ZC3H8: variants seen among roughly 807,000 people sequenced by gnomAD.
ZC3H8 encodes zinc finger CCCH-type containing 8.
In ZC3H8, 27 loss-of-function variants were observed where a neutral mutation model predicts 42.5. The observed-to-expected ratio is 0.64, with a 90% CI of 0.47 to 0.88. ZC3H8 has a LOEUF of 0.88. ZC3H8 is among the 40% of genes least tolerant of loss of function. The pLI, the probability that ZC3H8 is intolerant of heterozygous loss-of-function variation, is 0.00. For synonymous variants in ZC3H8, 101 were observed against 110.1 expected (o/e 0.92, Z 0.52); for missense variants, 277 against 336.1 (o/e 0.82, Z 1.37).
chr2:112,232,247 C>T (rs140382223), intron 6 of ZC3H8, among the ~76,000 whole-genome samples: 18 of 140,840 alleles, frequency 1.3e-4, no homozygotes, highest in East Asian at 6.6e-4. Context: ...ACCTGGGAGG[C>T]GGAGGTTGCA....
intron 8 of ZC3H8, among the ~76,000 whole-genome samples, chr2:112,224,088 GAGAT>G (rs910384348): frequency 3.3e-5 from 5 of 152,134 alleles, no homozygotes; most frequent in Admixed American, 1.3e-4. Flanking sequence ...GTGGTGAGCT[GAGAT>G]AGATAATGCC....
chr2:112,250,373 C>T, intron 1 of ZC3H8, 101 bp from the exon 2 acceptor site: 2 of 716,436 alleles, frequency 2.8e-6, no homozygotes, highest in South Asian at 6.1e-5. Flanking sequence ...TCAACTTACC[C>T]TCAAAGAAAT....
At chr2:112,234,261 T>A in intron 4 of ZC3H8, 25 bp from the exon 5 acceptor site, 3 of 1,470,320 alleles carry the variant, frequency 2.0e-6, no homozygotes, top group South Asian at 1.3e-5. Flanking sequence ...ACAAAAAAAC[T>A]AAATGTAAGA....
At position 112,214,875 on chromosome 2, in the gene ZC3H8, G is replaced by A. The variant is rs1433819407; in HGVS notation, c.*1609C>T. ...CCTAACTTGATTCAACACAAATTAAGATATTTCACTTACACAGGTATGCTT... is the reference window on the plus strand; with the variant it reads ...CCTAACTTGATTCAACACAAATTAAAATATTTCACTTACACAGGTATGCTT... On this transcript the variant is annotated 3_prime_UTR_variant, in exon 9 of 9. Transcript: ENST00000409573. 3 of 152,016 alleles carry A rather than the reference G, an allele frequency of 2.0e-5. No homozygotes were observed. Among genetic ancestry groups the A allele is most frequent in the Non-Finnish European group, 2.9e-5 (2 of 68,016 alleles). The allele number at this position is 152,016 out of a possible 1,614,324, so 9.4% of individuals were successfully genotyped here.
chr2:112,230,814 T>C, intron 8 of ZC3H8, 89 bp downstream of exon 8: 1 of 803,916 alleles, frequency 1.2e-6, no homozygotes, highest in Non-Finnish European at 1.7e-6. Flanking sequence ...AGAAAAATAC[T>C]TCTATTTGAG....
intron 7 of ZC3H8, among the ~76,000 whole-genome samples, chr2:112,231,331 A>C (rs1190046674): frequency 6.6e-6 from 1 of 152,174 alleles, no homozygotes; most frequent in East Asian, 1.9e-4. Context: ...ACTTAGATTA[A>C]ATTTTTAAGA....
intron 2 of ZC3H8, among the ~76,000 whole-genome samples, chr2:112,249,000 G>A (rs1435978098): frequency 6.6e-6 from 1 of 152,114 alleles, no homozygotes; most frequent in Non-Finnish European, 1.5e-5. Flanking sequence ...TTCGAGACCA[G>A]CCTGGGCAAC....
chr2:112,250,354 G>A, intron 1 of ZC3H8, 82 bp from the exon 2 acceptor site: 3 of 949,512 alleles, frequency 3.2e-6, no homozygotes, highest in Non-Finnish European at 3.0e-6. Context: ...TCACTGCTTT[G>A]GCTTGTCTTC....
In ZC3H8 at chr2:112,214,551, G is replaced by C. The variant is rs1684257141; in HGVS notation, c.*1933C>G. The C allele has an allele frequency of 6.6e-6, 1 of 152,200 alleles. No individual in the cohort carries two copies. Among genetic ancestry groups the C allele is most frequent in the African/African-American group, 2.4e-5 (1 of 41,420 alleles). 9.4% of individuals were successfully genotyped at this position (152,200 alleles called of 1,614,324 possible). The stretch of plus-strand genomic sequence containing the variant: ...TTACTTCACAGGAGGAAACCAAGGG[G>C]AGCAGAGGGAAGTAGGAAGCCCGGC... On this transcript the variant is annotated 3_prime_UTR_variant, in exon 9 of 9. Coordinates refer to ENST00000409573, the MANE Select transcript of ZC3H8 (RefSeq NM_032494.3).
At chr2:112,247,572 C>CT (rs897444497) in intron 2 of ZC3H8, among the ~76,000 whole-genome samples, 14 of 152,142 alleles carry the variant, frequency 9.2e-5, no homozygotes, top group African/African-American at 3.1e-4. Flanking sequence ...GAGTGAGACT[C>CT]TGTCTCAAAA....
chr2:112,251,598 T>C (rs974778423), intron 1 of ZC3H8, among the ~76,000 whole-genome samples: 6 of 152,224 alleles, frequency 3.9e-5, no homozygotes, highest in Non-Finnish European at 7.3e-5. Context: ...TGCTGCTCCA[T>C]ACACGTAACA....
chr2:112,242,534 T>C (rs1685621063), intron 2 of ZC3H8, among the ~76,000 whole-genome samples: 1 of 152,190 alleles, frequency 6.6e-6, no homozygotes, highest in Non-Finnish European at 1.5e-5. Context: ...TAATTTTTTT[T>C]CCAGAGCATA....
At chr2:112,235,983 C>T (rs1034776078) in intron 4 of ZC3H8, among the ~76,000 whole-genome samples, 1 of 149,434 alleles carries the variant, frequency 6.7e-6, no homozygotes, top group Non-Finnish European at 1.5e-5. Flanking sequence ...CACAGTGGCT[C>T]ATGCCTGTAA....
At chr2:112,217,413 G>A (rs1317486831) in intron 8 of ZC3H8, among the ~76,000 whole-genome samples, 1 of 152,092 alleles carries the variant, frequency 6.6e-6, no homozygotes, top group African/African-American at 2.4e-5. Flanking sequence ...AATATTAAAA[G>A]CAAATGGAAA....
chr2:112,250,328 AC>A, intron 1 of ZC3H8, 56 bp from the exon 2 acceptor site: 1 of 1,282,410 alleles, frequency 7.8e-7, no homozygotes, highest in South Asian at 1.5e-5. Flanking sequence ...AAGTGTTCAT[AC>A]CACAGCGTTA....
chr2:112,216,897 G>C (rs1009333662), intron 8 of ZC3H8, among the ~76,000 whole-genome samples: 1 of 152,034 alleles, frequency 6.6e-6, no homozygotes, highest in Non-Finnish European at 1.5e-5. Flanking sequence ...ACACATTATA[G>C]AGAAAGAAAC....
intron 1 of ZC3H8, among the ~76,000 whole-genome samples, chr2:112,253,500 T>C (rs1018602114): frequency 3.3e-5 from 5 of 152,078 alleles, no homozygotes; most frequent in African/African-American, 1.2e-4. Context: ...CATTGAAAAA[T>C]AATGCCATAG....
intron 4 of ZC3H8, 132 bp downstream of exon 4, chr2:112,236,427 ATCT>A: frequency 8.5e-7 from 1 of 1,173,044 alleles, no homozygotes; most frequent in East Asian, 2.5e-5. Flanking sequence ...GTAAAAGGAC[ATCT>A]TCATCCGAAA....
chr2:112,231,931 C>G lies in ZC3H8; in HGVS notation c.750G>C (p.Lys250Asn). ...CLYLHNEYPC[K>N]FYHTGTKCYQ... ...AACATTTTGTTCCTGTATGGTAAAA[C>G]TTACAAGGATATTCATGTAACCCAA... The change falls in exon 7 of 9, where the codon AAG becomes AAC. Residue 250 changes from lysine to asparagine, a missense_variant. By Grantham distance (94) the Lys-to-Asn change is moderately conservative (BLOSUM62 0). Coordinates refer to ENST00000409573, the MANE Select transcript of ZC3H8 (RefSeq NM_032494.3). 1 of 1,569,456 alleles carries G rather than the reference C, an allele frequency of 6.4e-7. No individual in the cohort carries two copies. Among genetic ancestry groups the G allele is most frequent in the Non-Finnish European group, 8.7e-7 (1 of 1,151,548 alleles).
Sources: gnomAD v4.1 joint callset for allele counts (sites outside exome capture counted in the v4.1 genomes callset) on GRCh38, gnomAD v4.1.1 for gene constraint, MANE v1.5 for transcripts, NCBI Gene and HGNC (gene_info 2026-07-23, HGNC 2026-07-21) for gene names.